The following SMU1 variants were observed in gnomAD, a reference collection of about 807,000 sequenced individuals.
The protein encoded by SMU1 is WD40 repeat-containing protein SMU1.
Under a neutral mutation model 62.0 loss-of-function variants are expected in SMU1, and 2 were observed. The ratio of observed to expected loss-of-function variants is 0.03; its 90% CI spans 0.01 to 0.10. The LOEUF is 0.10. SMU1 is among the 10% of genes least tolerant of loss of function. SMU1 has a pLI of 1.00. For synonymous variants in SMU1, 188 were observed against 212.4 expected (o/e 0.89, Z 1.00); for missense variants, 227 against 622.1 (o/e 0.36, Z 6.76).
At position 33,066,586 on chromosome 9, in the gene SMU1, T is replaced by C. The variant is rs1480348064; in HGVS notation, c.501+2238A>G. On this transcript the variant is annotated intron_variant, in intron 4 of 11. Coordinates refer to ENST00000397149, the MANE Select transcript of SMU1 (RefSeq NM_018225.3). ...ACTTTGGGAGGCCGAGGTGGGCAGATCACGAGGTCAAGAGATCGAGACCAT... is the reference window on the plus strand; with the variant it reads ...ACTTTGGGAGGCCGAGGTGGGCAGACCACGAGGTCAAGAGATCGAGACCAT... 2.0e-5 allele frequency among the ~76,000 whole-genome samples: 3 copies of C among 148,120 alleles called. No individual in the cohort carries two copies. In the East Asian group the frequency reaches 6.1e-4, roughly 30 times the overall value.
chr9:33,069,166 CTAT>C (rs1564024708), intron 3 of SMU1, among the ~76,000 whole-genome samples: 1 of 152,158 alleles, frequency 6.6e-6, no homozygotes, highest in African/African-American at 2.4e-5. Flanking sequence ...CCAATCCACA[CTAT>C]TATTATTTTT....
intron 1 of SMU1, among the ~76,000 whole-genome samples, chr9:33,075,293 C>T (rs912153104): frequency 3.3e-5 from 5 of 152,034 alleles, no homozygotes; most frequent in Admixed American, 3.3e-4. Context: ...AGGAGAATGG[C>T]GTGAACGTGG....
At chr9:33,050,849 C>T (rs575640173) in intron 10 of SMU1, among the ~76,000 whole-genome samples, 3 of 67,118 alleles carry the variant, frequency 4.5e-5, no homozygotes, top group Non-Finnish European at 6.5e-5. Context: ...AGGCCGGGCG[C>T]GGTGGCTCAC....
rs1384567107 is a variant in SMU1, at chr9:33,051,070, G to A, written c.1290+2053C>T. Among the ~76,000 whole-genome samples the A allele has an allele frequency of 4.6e-5, 5 of 109,742 alleles. 1 individual carries two copies. Among genetic ancestry groups the A allele is most frequent in the East Asian group, 4.2e-4 (2 of 4,716 alleles). 72.0% of individuals were successfully genotyped at this position (109,742 alleles called of 152,430 possible). A position where few individuals can be genotyped will look rare whatever the true frequency, so the allele number is the denominator to read the frequency against. On this transcript the variant is annotated intron_variant, in intron 10 of 11. Coordinates refer to ENST00000397149, the MANE Select transcript of SMU1 (RefSeq NM_018225.3). The stretch of plus-strand genomic sequence containing the variant: ...CAGGAGGCGGAGCTTGCAGTGAGCC[G>A]AGATCGCGCCACTGCACTCCAGCCT...
In SMU1 at chr9:33,058,772, T is replaced by C. The variant is rs7018715; in HGVS notation, c.751-1058A>G. On this transcript the variant is annotated intron_variant, in intron 6 of 11. Coordinates refer to ENST00000397149, the MANE Select transcript of SMU1 (RefSeq NM_018225.3). ...AAGATTAAAGTACTAGAAGAAACTG[T>C]AGGAAAAAAGATGAATAAATTTGAT... Among the ~76,000 whole-genome samples, 489 of 152,092 alleles carry C rather than the reference T, an allele frequency of 3.2e-3. 8 individuals carry two copies. Among genetic ancestry groups the C allele is most frequent in the African/African-American group, 0.011 (465 of 41,492 alleles).
At chr9:33,063,386 G>A (rs1470102627) in intron 4 of SMU1, among the ~76,000 whole-genome samples, 2 of 151,944 alleles carry the variant, frequency 1.3e-5, no homozygotes, top group Non-Finnish European at 2.9e-5. Context: ...AATTCATAGA[G>A]GATAAAACAA....
chr9:33,059,039 G>A (rs940745673), intron 6 of SMU1, among the ~76,000 whole-genome samples: 5 of 152,018 alleles, frequency 3.3e-5, no homozygotes, highest in Non-Finnish European at 7.4e-5. Context: ...TTTTCACATA[G>A]AAAAAGATGT....
chr9:33,056,793 T>A, intron 8 of SMU1, 44 bp downstream of exon 8: 1 of 1,599,542 alleles, frequency 6.3e-7, no homozygotes, highest in East Asian at 2.2e-5. Context: ...CATGGCCTCA[T>A]TATATCAAAC....
intron 3 of SMU1, 120 bp from the exon 4 acceptor site, chr9:33,069,054 T>C (rs1839457654): frequency 7.2e-7 from 1 of 1,382,420 alleles, no homozygotes; most frequent in Non-Finnish European, 9.5e-7. Flanking sequence ...AATTACCCAG[T>C]TAAAGAAGGG....
At chr9:33,058,440 C>T (rs1240382720) in intron 6 of SMU1, among the ~76,000 whole-genome samples, 2 of 152,148 alleles carry the variant, frequency 1.3e-5, no homozygotes. Flanking sequence ...CATCAGGTTC[C>T]TAAGTAGCCG....
Position 33,042,354 on chromosome 9 carries a change from A to G in SMU1, c.*4939T>C, listed in dbSNP as rs557048934. The G allele has an allele frequency of 3.1e-4, 47 of 152,820 alleles. No homozygotes were observed. The highest frequency in any genetic ancestry group is 4.6e-4 in the Admixed American group (7 of 15,300). 9.5% of individuals were successfully genotyped at this position (152,820 alleles called of 1,614,324 possible). On this transcript the variant is annotated 3_prime_UTR_variant, in exon 12 of 12. Transcript: ENST00000397149. ...ATGTAATGAGGGAGAGCCTATGAAA[A>G]AACAAAGCCTATGAAACAGAGCCTA...
rs368161878 is a variant in SMU1 at position 33,042,493 on chromosome 9, G to A, written c.*4800C>T. ...CATACTTGTAGGGAATAGGAGTAGA[G>A]GCCAATTATGTCGCTTGAGAGTGCT... On this transcript the variant is annotated 3_prime_UTR_variant, in exon 12 of 12. Coordinates refer to ENST00000397149, the MANE Select transcript of SMU1 (RefSeq NM_018225.3). The A allele has an allele frequency of 1.0e-4, 16 of 152,388 alleles. No homozygotes were observed. Among genetic ancestry groups the A allele is most frequent in the Non-Finnish European group, 2.1e-4 (14 of 68,026 alleles). The allele number at this position is 152,388 out of a possible 1,614,324, so 9.4% of individuals were successfully genotyped here.
At chr9:33,072,063 G>T (rs1839492750) in intron 2 of SMU1, among the ~76,000 whole-genome samples, 171 bp from the exon 3 acceptor site, 1 of 152,154 alleles carries the variant, frequency 6.6e-6, no homozygotes, top group African/African-American at 2.4e-5. Flanking sequence ...GGTGGGCTTG[G>T]TGGCTCATGC....
chr9:33,048,003 T>G, intron 11 of SMU1, 103 bp downstream of exon 11: 1 of 1,022,392 alleles, frequency 9.8e-7, no homozygotes, highest in Non-Finnish European at 1.4e-6. Flanking sequence ...TATTTTATAC[T>G]GAGGGTCACA....
In SMU1 at chr9:33,042,399, GTCA is replaced by G. The variant is rs1409590600; in HGVS notation, c.*4891_*4893del. On this transcript the variant is annotated 3_prime_UTR_variant, in exon 12 of 12. Coordinates refer to ENST00000397149, the MANE Select transcript of SMU1 (RefSeq NM_018225.3). Reference sequence around the variant, plus strand: ...AGCCTATGAAAAAACATTAACCAAGGTCATCATCCACAAAAATACAAGTTCCAG... The same window carrying G: ...AGCCTATGAAAAAACATTAACCAAGGTCATCCACAAAAATACAAGTTCCAG... The G allele has an allele frequency of 6.6e-6, 1 of 152,516 alleles. No individual in the cohort carries two copies. Among genetic ancestry groups the G allele is most frequent in the African/African-American group, 2.4e-5 (1 of 41,378 alleles). 9.4% of individuals were successfully genotyped at this position (152,516 alleles called of 1,614,324 possible).
At chr9:33,074,094 A>G (rs1311046449) in intron 1 of SMU1, among the ~76,000 whole-genome samples, 6 of 152,222 alleles carry the variant, frequency 3.9e-5, no homozygotes, top group African/African-American at 1.2e-4. Flanking sequence ...CTAGTTTCCT[A>G]TTCATTCTTG....
chr9:33,068,080 T>C (rs1839442585), intron 4 of SMU1, among the ~76,000 whole-genome samples: 1 of 152,196 alleles, frequency 6.6e-6, no homozygotes, highest in African/African-American at 2.4e-5. Flanking sequence ...GAACATTATT[T>C]CTCTTAATCC....
chr9:33,059,772 A>AT (rs1839343063), intron 6 of SMU1, among the ~76,000 whole-genome samples: 2 of 149,592 alleles, frequency 1.3e-5, no homozygotes, highest in Admixed American at 6.7e-5. Flanking sequence ...GGCCCAGCTA[A>AT]TTTTTTTTAG....
intron 4 of SMU1, among the ~76,000 whole-genome samples, chr9:33,062,529 T>A (rs1047061555): frequency 1.3e-5 from 2 of 152,140 alleles, no homozygotes; most frequent in African/African-American, 2.4e-5. Context: ...CCTTCCAATC[T>A]TCCCCCCCCA....
Sources: gnomAD v4.1 joint callset for allele counts (sites outside exome capture counted in the v4.1 genomes callset) on GRCh38, gnomAD v4.1.1 for gene constraint, MANE v1.5 for transcripts, NCBI Gene and HGNC (gene_info 2026-07-23, HGNC 2026-07-21) for gene names.